The following NAALADL2 variants were observed in gnomAD, a reference collection of about 807,000 sequenced individuals.
The protein encoded by NAALADL2 is N-acetylated alpha-linked acidic dipeptidase like 2.
In NAALADL2, 76 loss-of-function variants were observed where a neutral mutation model predicts 87.2. That is an observed-to-expected ratio of 0.87 (90% CI 0.72 to 1.05). NAALADL2 has a LOEUF of 1.05. Among genes scored for constraint, NAALADL2 ranks in the 50% least tolerant of loss-of-function variants. The pLI is 0.00. For synonymous variants in NAALADL2, 354 were observed against 331.0 expected (o/e 1.07, Z -0.75); for missense variants, 1,089 against 945.8 (o/e 1.15, Z -1.99).
chr3:174,781,932 G>A (rs1716038377), intron 3 of NAALADL2, among the ~76,000 whole-genome samples: 1 of 152,040 alleles, frequency 6.6e-6, no homozygotes, highest in Non-Finnish European at 1.5e-5. Context: ...AAATATAAAG[G>A]AATACTCCAC....
At chr3:175,068,616 C>A (rs73176724) in intron 1 of NAALADL2, among the ~76,000 whole-genome samples, 4,014 of 152,078 alleles carry the variant, frequency 0.026, 82 homozygotes, top group Admixed American at 0.038. Flanking sequence ...TAACTTAGGT[C>A]TTGCTATCAA....
chr3:174,991,545 G>T (rs1050989210), intron 1 of NAALADL2, among the ~76,000 whole-genome samples: 6 of 151,996 alleles, frequency 3.9e-5, no homozygotes, highest in Non-Finnish European at 5.9e-5. Context: ...AATCAGATGT[G>T]TCCTGCATCT....
At chr3:175,802,161 A>G (rs1235135978) in intron 13 of NAALADL2, among the ~76,000 whole-genome samples, 3 of 152,070 alleles carry the variant, frequency 2.0e-5, no homozygotes, top group Non-Finnish European at 4.4e-5. Flanking sequence ...TTCTAAAGTG[A>G]TAAGAGCACT....
intron 1 of NAALADL2, among the ~76,000 whole-genome samples, chr3:174,930,287 G>A (rs943818679): frequency 6.6e-6 from 1 of 151,892 alleles, no homozygotes; most frequent in Non-Finnish European, 1.5e-5. Flanking sequence ...TATTCCCTGT[G>A]ATTTTTTTAA....
intron 10 of NAALADL2, among the ~76,000 whole-genome samples, chr3:175,576,438 T>C (rs62285574): frequency 0.14 from 21,671 of 152,246 alleles, 1,665 homozygotes; most frequent in Middle Eastern, 0.18. Flanking sequence ...TGCTCTGCAA[T>C]GAGAAATTTG....
intron 10 of NAALADL2, among the ~76,000 whole-genome samples, chr3:175,593,473 C>T (rs75779943): frequency 3.3e-5 from 5 of 152,016 alleles, no homozygotes; most frequent in African/African-American, 1.2e-4. Context: ...ACAGTGTATT[C>T]GTTTCTTGGA....
At chr3:175,787,043 C>T (rs897303467) in intron 13 of NAALADL2, among the ~76,000 whole-genome samples, 1 of 151,922 alleles carries the variant, frequency 6.6e-6, no homozygotes, top group African/African-American at 2.4e-5. Flanking sequence ...GGGTCAGGGA[C>T]CCACTTGAGG....
Position 175,227,883 on chromosome 3 carries a change from CT to C in NAALADL2, c.546-6046del, listed in dbSNP as rs1468259333. 1.4e-4 allele frequency among the ~76,000 whole-genome samples: 21 copies of C among 151,968 alleles called. No individual in the cohort carries two copies. The South Asian group carries it at 4.4e-3, about 31-fold the overall frequency. The stretch of plus-strand genomic sequence containing the variant: ...AAACAAGAGAAGCATGTACATTAAA[CT>C]TGATAAATTTAAAATAAAATTTTAA... On this transcript the variant is annotated intron_variant, in intron 2 of 13. Coordinates refer to ENST00000454872, the MANE Select transcript of NAALADL2 (RefSeq NM_207015.3).
At chr3:174,527,042 C>G (rs368637280) in intron 1 of NAALADL2, among the ~76,000 whole-genome samples, 2 of 152,114 alleles carry the variant, frequency 1.3e-5, no homozygotes, top group South Asian at 4.1e-4. Flanking sequence ...CTAACATTAT[C>G]TGTTCACAAT....
chr3:175,302,376 T>C (rs551890184), intron 4 of NAALADL2, among the ~76,000 whole-genome samples: 2 of 152,310 alleles, frequency 1.3e-5, no homozygotes, highest in African/African-American at 4.8e-5. Context: ...TAATTGATGA[T>C]AGTCCAGTTG....
At chr3:175,254,953 C>A (rs566861634) in intron 3 of NAALADL2, among the ~76,000 whole-genome samples, 128 of 152,114 alleles carry the variant, frequency 8.4e-4, no homozygotes, top group Non-Finnish European at 1.6e-3. Context: ...GAGCTATAAT[C>A]ATTTTGATTC....
At chr3:174,774,828 C>T (rs1455423888) in intron 3 of NAALADL2, among the ~76,000 whole-genome samples, 1 of 152,176 alleles carries the variant, frequency 6.6e-6, no homozygotes, top group Non-Finnish European at 1.5e-5. Flanking sequence ...AGATCATGCT[C>T]TCAGAGAGCC....
intron 2 of NAALADL2, among the ~76,000 whole-genome samples, chr3:175,114,414 A>C (rs946204736): frequency 6.6e-6 from 1 of 151,686 alleles, no homozygotes; most frequent in African/African-American, 2.4e-5. Context: ...TTTCTGCTAT[A>C]AGGTACCCAC....
chr3:174,637,202 G>T (rs1158543649), intron 2 of NAALADL2, among the ~76,000 whole-genome samples: 1 of 152,018 alleles, frequency 6.6e-6, no homozygotes, highest in East Asian at 1.9e-4. Context: ...GATAAGAAGA[G>T]ATTGATTATG....
At chr3:174,894,856 T>C (rs1189595352) in intron 1 of NAALADL2, among the ~76,000 whole-genome samples, 6 of 151,822 alleles carry the variant, frequency 4.0e-5, no homozygotes, top group Admixed American at 2.6e-4. Context: ...AAATATAGAA[T>C]GAAACTAGAA....
At chr3:175,392,123 G>A (rs190517772) in intron 5 of NAALADL2, among the ~76,000 whole-genome samples, 6 of 152,300 alleles carry the variant, frequency 3.9e-5, no homozygotes, top group South Asian at 2.1e-4. Flanking sequence ...CAAATGACAT[G>A]ATTTCAGCCT....
At chr3:175,679,211 G>T (rs1185492465) in intron 11 of NAALADL2, among the ~76,000 whole-genome samples, 2 of 151,426 alleles carry the variant, frequency 1.3e-5, no homozygotes, top group South Asian at 4.2e-4. Context: ...TGCAGGTCAC[G>T]GGATATGATG....
intron 3 of NAALADL2, among the ~76,000 whole-genome samples, chr3:174,830,523 G>A (rs1389390110): frequency 6.6e-6 from 1 of 151,280 alleles, no homozygotes; most frequent in Admixed American, 6.6e-5. Flanking sequence ...TAGCCTTGTA[G>A]TATAGTTTGA....
At chr3:174,539,815 A>C (rs780374728) in intron 1 of NAALADL2, among the ~76,000 whole-genome samples, 7 of 151,964 alleles carry the variant, frequency 4.6e-5, no homozygotes, top group South Asian at 2.1e-4. Context: ...ATTTCTTTAA[A>C]AATTAAAAAC....
Sources: gnomAD v4.1 joint callset for allele counts (sites outside exome capture counted in the v4.1 genomes callset) on GRCh38, gnomAD v4.1.1 for gene constraint, MANE v1.5 for transcripts, NCBI Gene and HGNC (gene_info 2026-07-23, HGNC 2026-07-21) for gene names.